The following KLHL22 variants were observed in gnomAD, a reference collection of about 807,000 sequenced individuals.
KLHL22 encodes the protein kelch-like protein 22.
In KLHL22, 18 loss-of-function variants were observed where a neutral mutation model predicts 60.7. That is an observed-to-expected ratio of 0.30 (90% confidence interval 0.20 to 0.44). The LOEUF (loss-of-function observed/expected upper bound fraction) is 0.44, where lower values mean the gene tolerates loss of function less well. Among genes scored for constraint, KLHL22 ranks in the 20% least tolerant of loss-of-function variants. The pLI is 1.00. For synonymous variants in KLHL22, 355 were observed against 354.5 expected, an observed-to-expected ratio of 1.00 and a Z score of -0.01; for missense variants, 596 against 852.3, an observed-to-expected ratio of 0.70 and a Z score of 3.74.
At chr22:20,450,522 C>G in intron 5 of KLHL22, 1 of 1,614,072 alleles carries the variant, frequency 6.2e-7, no homozygotes, top group Non-Finnish European at 8.5e-7. Flanking sequence ...CTTCTAATTG[C>G]CTGGGTATTA....
intron 2 of KLHL22, chr22:20,475,121 T>C (rs894450078): frequency 1.3e-5 from 2 of 152,232 alleles, no homozygotes; most frequent in Non-Finnish European, 2.9e-5. Flanking sequence ...GCCCTTTCTT[T>C]GATGAGGAGT....
At chr22:20,487,985 C>A (rs1276691800) in intron 2 of KLHL22, among the ~76,000 whole-genome samples, 1 of 152,156 alleles carries the variant, frequency 6.6e-6, no homozygotes, top group African/African-American at 2.4e-5. Flanking sequence ...AAGGCCTCAG[C>A]TGAATTTCCC....
intron 2 of KLHL22, chr22:20,482,878 G>T (rs751332430): frequency 5.7e-6 from 7 of 1,222,062 alleles, no homozygotes; most frequent in Non-Finnish European, 8.3e-6. Flanking sequence ...TTATCTGGCA[G>T]GTGGTGGTCT....
chr22:20,470,833 T>C (rs2053313212), intron 3 of KLHL22, among the ~76,000 whole-genome samples: 1 of 142,686 alleles, frequency 7.0e-6, no homozygotes, highest in African/African-American at 3.0e-5. Context: ...GATGGATGCA[T>C]GCATGCATGG....
chr22:20,449,056 TTTTGTTTTG>T (rs1029037864), intron 5 of KLHL22, among the ~76,000 whole-genome samples: 14 of 150,668 alleles, frequency 9.3e-5, no homozygotes, highest in Non-Finnish European at 1.9e-4. Flanking sequence ...TTTTGTTTTG[TTTTGTTTTG>T]TTTGTTTTTT....
chr22:20,483,725 G>A (rs1049363395), intron 2 of KLHL22: 2 of 736,206 alleles, frequency 2.7e-6, no homozygotes. Context: ...TTGAAGTAAT[G>A]CCTCCAGTCT....
intron 6 of KLHL22, 124 bp downstream of exon 6, chr22:20,446,319 C>A: frequency 1.4e-6 from 1 of 696,236 alleles, no homozygotes; most frequent in Non-Finnish European, 2.5e-6. Flanking sequence ...TTGCTGTGAA[C>A]CTAAAACTGC....
At position 20,470,831 on chromosome 22, in the gene KLHL22, C is replaced by G. The variant is rs5994659; in HGVS notation, c.393+519G>C. Among the ~76,000 whole-genome samples, 123 of 59,216 alleles carry G rather than the reference C, an allele frequency of 2.1e-3. 1 individual carries two copies. The South Asian group carries it at 0.029, about 14-fold the overall frequency. 38.8% of individuals were successfully genotyped at this position (59,216 alleles called of 152,430 possible). The stretch of plus-strand genomic sequence containing the variant: ...GGATGGATGGATGGATGGATGGATG[C>G]ATGCATGCATGGATGGATGGATGGA... On this transcript the variant is annotated intron_variant, in intron 3 of 6. Coordinates refer to ENST00000328879, the MANE Select transcript of KLHL22 (RefSeq NM_032775.4).
At position 20,465,283 on chromosome 22, in the gene KLHL22, A is replaced by G; in HGVS notation, c.687T>C (p.Ala229=). ...GGGGCTCGTGCAGCGAGATCTGGTC[A>G]GCCTGCACCTGCTCCAGGCTATAAT... ...LYHYSLEQVQ[A]DQISLHEPPK... is the part of the protein sequence containing the mutation. The change falls in exon 4 of 7, where the codon GCT becomes GCC. Residue 229 remains alanine (A), a synonymous_variant. Transcript: ENST00000328879. This position sits in a 1 kb window ranked among gnomAD's most constrained non-coding sequence, Gnocchi z 4.9. 6.2e-7 allele frequency: 1 copy of G among 1,614,098 alleles called. No individual in the cohort carries two copies. Among genetic ancestry groups the G allele is most frequent in the Non-Finnish European group, 8.5e-7 (1 of 1,180,024 alleles).
intron 2 of KLHL22, chr22:20,483,904 C>G: frequency 1.5e-6 from 1 of 688,862 alleles, no homozygotes; most frequent in Non-Finnish European, 2.6e-6. Flanking sequence ...AGATCCCCAG[C>G]CATCCCCGCG....
intron 5 of KLHL22, chr22:20,456,203 C>G (rs2053060109): frequency 6.6e-6 from 1 of 152,206 alleles, no homozygotes; most frequent in South Asian, 2.1e-4. Context: ...GTTCAGCCCC[C>G]TCTTCATTTC....
intron 5 of KLHL22, among the ~76,000 whole-genome samples, chr22:20,448,105 A>C (rs1000609565): frequency 3.3e-5 from 5 of 152,190 alleles, no homozygotes; most frequent in African/African-American, 1.2e-4. Context: ...GAAACCACCA[A>C]TCTCTTCTCT....
At chr22:20,459,411 CT>C (rs2053118219) in intron 4 of KLHL22, among the ~76,000 whole-genome samples, 1 of 152,204 alleles carries the variant, frequency 6.6e-6, no homozygotes, top group South Asian at 2.1e-4. Flanking sequence ...ACACCTGGGT[CT>C]CCCTGACCTG....
chr22:20,446,614 C>A lies in KLHL22; in HGVS notation c.1368G>T (p.Gly456=). The change falls in exon 6 of 7, where the codon GGG becomes GGT. Residue 456 remains glycine (G), a synonymous_variant. Coordinates refer to ENST00000328879, the MANE Select transcript of KLHL22 (RefSeq NM_032775.4). ...GKMYITCGRR[G]EDYLKETHCY... ...AGTGTGTCTCTTTCAGGTAATCCTC[C>A]CCTCTGCGGCCGCAGGTGATATACA... is the stretch of plus-strand genomic sequence containing the variant. 6.8e-6 allele frequency: 11 copies of A among 1,613,694 alleles called. No individual in the cohort carries two copies. Among genetic ancestry groups the A allele is most frequent in the Non-Finnish European group, 9.3e-6 (11 of 1,180,044 alleles).
chr22:20,454,749 G>A (rs2053035852), intron 5 of KLHL22, among the ~76,000 whole-genome samples: 1 of 152,216 alleles, frequency 6.6e-6, no homozygotes. Context: ...GGAAAGAACT[G>A]ACATTCTTAC....
chr22:20,488,638 A>C, intron 2 of KLHL22: 1 of 274,148 alleles, frequency 3.6e-6, no homozygotes. Context: ...CCAGAAGGTG[A>C]TGCATACACA....
At chr22:20,469,319 G>A (rs1257679596) in intron 3 of KLHL22, among the ~76,000 whole-genome samples, 1 of 152,136 alleles carries the variant, frequency 6.6e-6, no homozygotes. Flanking sequence ...AGCCACTGAG[G>A]TTGAGCCCAG....
chr22:20,459,723 A>G (rs1216460012), intron 4 of KLHL22, among the ~76,000 whole-genome samples: 1 of 152,188 alleles, frequency 6.6e-6, no homozygotes, highest in African/African-American at 2.4e-5. Context: ...TGAATCATTC[A>G]TTCACTCTAC....
chr22:20,462,431 C>T (rs531521948), intron 4 of KLHL22, among the ~76,000 whole-genome samples: 8 of 152,014 alleles, frequency 5.3e-5, no homozygotes, highest in East Asian at 1.9e-4. Flanking sequence ...CATAGTTCAC[C>T]GAAGTCTAAA....
Sources: allele counts gnomAD v4.1 joint callset (sites outside exome capture counted in the v4.1 genomes callset), GRCh38; gene constraint gnomAD v4.1.1; non-coding constraint Gnocchi (gnomAD v3.1); transcripts MANE v1.5; gene names NCBI Gene and HGNC (gene_info 2026-07-23, HGNC 2026-07-21).